TIMELESS: variants seen among roughly 807,000 people sequenced by gnomAD.
TIMELESS encodes protein timeless homolog.
Under a neutral mutation model 164.3 loss-of-function variants are expected in TIMELESS, and 124 were observed. The observed-to-expected ratio is 0.75, with a 90% CI of 0.65 to 0.88. TIMELESS has a LOEUF of 0.88. TIMELESS is among the 40% of genes least tolerant of loss of function. The probability of loss-of-function intolerance (pLI) is 0.00; values close to 1 mark genes in which losing one functional copy is unlikely to be tolerated. For synonymous variants in TIMELESS, 564 were observed against 563.4 expected (o/e 1.00, Z -0.02); for missense variants, 1,422 against 1,491.4 (o/e 0.95, Z 0.77).
intron 9 of TIMELESS, among the ~76,000 whole-genome samples, chr12:56,430,519 C>A (rs1881841216): frequency 6.6e-6 from 1 of 151,772 alleles, no homozygotes; most frequent in Admixed American, 6.6e-5. Flanking sequence ...GCGGGTGCCA[C>A]CATGCTCAGT....
intron 18 of TIMELESS, 132 bp from the exon 19 acceptor site, chr12:56,423,124 C>T: frequency 7.1e-7 from 1 of 1,400,110 alleles, no homozygotes; most frequent in Non-Finnish European, 9.7e-7. Context: ...CTTCTCCATG[C>T]AGCTCCCTCA....
chr12:56,424,726 C>T, intron 15 of TIMELESS, 36 bp downstream of exon 15: 10 of 1,603,348 alleles, frequency 6.2e-6, no homozygotes, highest in Non-Finnish European at 8.5e-6. Context: ...CCTCCTTCCC[C>T]CAAAGCCCAA....
rs1217132822 is a variant in TIMELESS, at chr12:56,433,375, A to G, written c.429+6T>C. The G allele has an allele frequency of 6.2e-7, 1 of 1,613,806 alleles. No homozygotes were observed. Among genetic ancestry groups the G allele is most frequent in the East Asian group, 2.2e-5 (1 of 44,878 alleles). ...ATGGTATCCTGTAAGGTGAAGACTC[A>G]CTCACCAGCTGCAGCAGCTCATACA... On this transcript the variant is annotated splice_donor_region_variant and intron_variant, in intron 5 of 28. Coordinates refer to ENST00000553532, the MANE Select transcript of TIMELESS (RefSeq NM_003920.5).
intron 1 of TIMELESS, among the ~76,000 whole-genome samples, chr12:56,438,512 C>A (rs1882143515): frequency 6.6e-6 from 1 of 151,606 alleles, no homozygotes; most frequent in Non-Finnish European, 1.5e-5. Flanking sequence ...TGGCTCACGC[C>A]TGAAATCCCA....
intron 13 of TIMELESS, among the ~76,000 whole-genome samples, chr12:56,426,780 G>A (rs1881693388): frequency 6.6e-6 from 1 of 151,876 alleles, no homozygotes; most frequent in Non-Finnish European, 1.5e-5. Context: ...GGCTGGTCGT[G>A]AACTCCTGAC....
intron 13 of TIMELESS, among the ~76,000 whole-genome samples, chr12:56,426,964 A>C (rs55666835): frequency 0.056 from 8,515 of 151,668 alleles, 796 homozygotes; most frequent in African/African-American, 0.19. Context: ...TGAACCAATA[A>C]TTTTATTTTT....
chr12:56,424,204 T>A (rs1187191965), intron 15 of TIMELESS, among the ~76,000 whole-genome samples: 5 of 152,228 alleles, frequency 3.3e-5, no homozygotes, highest in Non-Finnish European at 5.9e-5. Flanking sequence ...GAAATCATGC[T>A]CATAATATAC....
chr12:56,420,874 A>G lies in TIMELESS; in HGVS notation c.3048T>C (p.Ser1016=), dbSNP rs202075297. The change falls in exon 25 of 29, where the codon TCT becomes TCC. Residue 1016 remains serine (S), a synonymous_variant. Coordinates refer to ENST00000553532, the MANE Select transcript of TIMELESS (RefSeq NM_003920.5). ...LGQSLHQEGF[S]IPLLWLQNCL... ...AGTTCTGGAGCCATAGGAGCGGGAT[A>G]GAAAAGCCTAAGGAAATGAGGGAAA... The G allele has an allele frequency of 7.3e-4, 1,181 of 1,614,186 alleles. 12 individuals are homozygous for G. The South Asian group carries it at 0.012, about 17-fold the overall frequency.
rs1592250141 is a variant in TIMELESS, at chr12:56,430,295, T to C, written c.910-14A>G. On this transcript the variant is annotated splice_polypyrimidine_tract_variant and intron_variant, in intron 9 of 28. Coordinates refer to ENST00000553532, the MANE Select transcript of TIMELESS (RefSeq NM_003920.5). ...GTAGTTTCGTAGCTGGGTGTGTCGG[T>C]TGGGGGATTAGAATTACTCCTAAAT... 15 of 1,608,730 alleles carry C rather than the reference T, an allele frequency of 9.3e-6. No homozygotes were observed. Among genetic ancestry groups the C allele is most frequent in the South Asian group, 1.1e-5 (1 of 90,450 alleles).
chr12:56,435,396 T>C (rs1321934362), intron 1 of TIMELESS, among the ~76,000 whole-genome samples: 1 of 152,184 alleles, frequency 6.6e-6, no homozygotes, highest in Non-Finnish European at 1.5e-5. Flanking sequence ...TTTCACTCTG[T>C]TGCCCAGGCT....
intron 26 of TIMELESS, among the ~76,000 whole-genome samples, chr12:56,419,756 G>A (rs1881392718): frequency 6.6e-6 from 1 of 151,440 alleles, no homozygotes; most frequent in South Asian, 2.1e-4. Flanking sequence ...TCAAACCACT[G>A]TAGATCGACA....
intron 1 of TIMELESS, among the ~76,000 whole-genome samples, chr12:56,436,992 G>T (rs928792999): frequency 6.6e-6 from 1 of 151,430 alleles, no homozygotes; most frequent in African/African-American, 2.4e-5. Flanking sequence ...GTGTAGTGGC[G>T]TGATCTCGGC....
intron 6 of TIMELESS, among the ~76,000 whole-genome samples, chr12:56,432,786 TA>T (rs1881934303): frequency 3.3e-5 from 3 of 91,024 alleles, no homozygotes. Flanking sequence ...CTACTAAAAA[TA>T]CAAAAAAAAA....
chr12:56,420,705 G>A lies in TIMELESS; in HGVS notation c.3110-18C>T, dbSNP rs1234509035. The A allele has an allele frequency of 6.2e-7, 1 of 1,613,682 alleles. No homozygotes were observed. Among genetic ancestry groups the A allele is most frequent in the Non-Finnish European group, 8.5e-7 (1 of 1,179,688 alleles). ...GGAGCAGCCTAAGACAGGGTCAATA[G>A]TCATATGGTGAAGATATAAGGGAAG... On this transcript the variant is annotated intron_variant, in intron 25 of 28. Coordinates refer to ENST00000553532, the MANE Select transcript of TIMELESS (RefSeq NM_003920.5).
At chr12:56,420,029 A>AAATATAT (rs1555176447) in intron 26 of TIMELESS, among the ~76,000 whole-genome samples, 3 of 75,188 alleles carry the variant, frequency 4.0e-5, no homozygotes, top group East Asian at 5.0e-4. Context: ...AAAAAAAAAA[A>AAATATAT]ATATATATAT....
At position 56,421,899 on chromosome 12, in the gene TIMELESS, C is replaced by G. The variant is rs765288206; in HGVS notation, c.2642G>C (p.Arg881Thr). Residue 881 changes from arginine to threonine, a missense_variant and splice_region_variant, in exon 21 of 29, where the codon AGG becomes ACG. Arg to Thr is a moderately conservative substitution (Grantham distance 71). Coordinates refer to ENST00000553532, the MANE Select transcript of TIMELESS (RefSeq NM_003920.5). ...GCCTCCAGAGCATGTGCCTCTCTAC[C>G]TTTGGAAGTCCTTGACACTGTCAGC... The part of the protein sequence containing the change: ...GLADSVKDFQ[R>T]KGTHIVLWTG... 2.5e-6 allele frequency: 4 copies of G among 1,613,972 alleles called. No homozygotes were observed. In the African/African-American group the frequency reaches 5.3e-5, roughly 22 times the overall value.
chr12:56,438,302 C>T (rs1882136937), intron 1 of TIMELESS, among the ~76,000 whole-genome samples: 1 of 152,150 alleles, frequency 6.6e-6, no homozygotes, highest in African/African-American at 2.4e-5. Context: ...GTCTTGGCCT[C>T]ACAAAGTGCA....
intron 1 of TIMELESS, among the ~76,000 whole-genome samples, chr12:56,447,130 C>T (rs1339644847): frequency 2.0e-5 from 3 of 150,708 alleles, no homozygotes; most frequent in East Asian, 3.9e-4. Flanking sequence ...CTGCCTCAGC[C>T]TCCCAAGTAG....
chr12:56,433,180 G>T, intron 5 of TIMELESS, 53 bp from the exon 6 acceptor site: 1 of 1,561,960 alleles, frequency 6.4e-7, no homozygotes, highest in Non-Finnish European at 8.8e-7. Flanking sequence ...CAGGCAGTAT[G>T]TACTCTGGCT....
Sources: gnomAD v4.1 joint callset for allele counts (sites outside exome capture counted in the v4.1 genomes callset) on GRCh38, gnomAD v4.1.1 for gene constraint, MANE v1.5 for transcripts, NCBI Gene and HGNC (gene_info 2026-07-23, HGNC 2026-07-21) for gene names.